The following CAND2 variants were observed in gnomAD, a reference collection of about 807,000 sequenced individuals.
CAND2 encodes cullin associated and neddylation dissociated 2 (putative).
Under a neutral mutation model 98.9 loss-of-function variants are expected in CAND2, and 62 were observed. The ratio of observed to expected loss-of-function variants is 0.63; its 90% CI spans 0.51 to 0.77. The LOEUF (loss-of-function observed/expected upper bound fraction) is 0.77, where lower values mean the gene tolerates loss of function less well. CAND2 is among the 30% of genes least tolerant of loss of function. The pLI is 0.00. For synonymous variants in CAND2, 770 were observed against 731.9 expected (o/e 1.05, Z -0.84); for missense variants, 1,501 against 1,655.2 (o/e 0.91, Z 1.62).
chr3:12,831,676 G>A, intron 14 of CAND2, 104 bp downstream of exon 14: 1 of 658,912 alleles, frequency 1.5e-6, no homozygotes, highest in South Asian at 1.9e-5. Flanking sequence ...TGCAGGTGAT[G>A]TTGTGAAAGT....
chr3:12,812,219 A>ATTTTTT (rs1575768881), intron 5 of CAND2, among the ~76,000 whole-genome samples: 2 of 45,672 alleles, frequency 4.4e-5, no homozygotes, highest in African/African-American at 2.2e-4. Flanking sequence ...TAAGCTGTTT[A>ATTTTTT]TCTTTTTTTT....
At chr3:12,810,644 C>T (rs966143063) in intron 5 of CAND2, among the ~76,000 whole-genome samples, 6 of 152,222 alleles carry the variant, frequency 3.9e-5, no homozygotes, top group Admixed American at 6.5e-5. Context: ...TTGGTTCAAT[C>T]ACTTATGAGA....
Position 12,820,098 on chromosome 3 carries a change from C to G in CAND2, c.2957C>G (p.Thr986Ser). The G allele has an allele frequency of 6.2e-7, 1 of 1,614,104 alleles. No individual in the cohort carries two copies. ...RKQLAAGRPH[T>S]RSTVITAVKF... ...TCTTGTCCTGCAGGTCGGCCACACACCCGGAGCACCGTCATCACAGCGGTC... is the reference window on the plus strand; with the variant it reads ...TCTTGTCCTGCAGGTCGGCCACACAGCCGGAGCACCGTCATCACAGCGGTC... The change falls in exon 11 of 15, where the codon ACC (threonine) becomes AGC (serine). Residue 986 changes from threonine (T) to serine (S), a missense_variant. Around this residue, in one of 3 missense-constraint regions of CAND2, gnomAD observed 1,427 missense variants for 1,545.3 expected, o/e 0.92. Coordinates refer to ENST00000456430, the MANE Select transcript of CAND2 (RefSeq NM_001162499.2).
At chr3:12,807,661 T>C (rs1409686123) in intron 3 of CAND2, among the ~76,000 whole-genome samples, 1 of 152,170 alleles carries the variant, frequency 6.6e-6, no homozygotes, top group Non-Finnish European at 1.5e-5. Flanking sequence ...TGCTTTTAGC[T>C]CAAGTGATGA....
At chr3:12,832,067 G>A (rs1202232513) in intron 14 of CAND2, among the ~76,000 whole-genome samples, 6 of 152,206 alleles carry the variant, frequency 3.9e-5, no homozygotes, top group Non-Finnish European at 8.8e-5. Flanking sequence ...AGAGCCTGGC[G>A]CACCTACGTG....
rs781423255 is a variant in CAND2 at position 12,831,551 on chromosome 3, A to G, written c.3462A>G (p.Leu1154=). 4.3e-6 allele frequency: 7 copies of G among 1,612,960 alleles called. No individual in the cohort carries two copies. Among genetic ancestry groups the G allele is most frequent in the South Asian group, 2.2e-5 (2 of 90,970 alleles). Reference sequence around the variant, plus strand: ...GGGTGGACCGACTCATTGAGCCACTAAGGGCCACCTGCACTGCCAAGGTAA... The same window carrying G: ...GGGTGGACCGACTCATTGAGCCACTGAGGGCCACCTGCACTGCCAAGGTAA... ...LQRVDRLIEP[L]RATCTAKVKA... is the part of the protein sequence containing the mutation. The change falls in exon 14 of 15, where the codon CTA becomes CTG. Residue 1154 remains leucine, a synonymous_variant. Coordinates refer to ENST00000456430, the MANE Select transcript of CAND2 (RefSeq NM_001162499.2).
intron 7 of CAND2, 55 bp downstream of exon 7, chr3:12,813,443 T>C: frequency 6.4e-7 from 1 of 1,567,368 alleles, no homozygotes. Flanking sequence ...ACAGCCTTCC[T>C]GGGATCCCCC....
intron 1 of CAND2, among the ~76,000 whole-genome samples, chr3:12,798,041 C>G (rs1393113604): frequency 2.6e-5 from 4 of 152,146 alleles, no homozygotes; most frequent in African/African-American, 9.7e-5. Context: ...GTAACTTAAC[C>G]CCCATGAGTC....
chr3:12,821,966 G>T (rs1176104531), intron 11 of CAND2, among the ~76,000 whole-genome samples: 1 of 152,020 alleles, frequency 6.6e-6, no homozygotes, highest in Non-Finnish European at 1.5e-5. Flanking sequence ...CATAAAATAA[G>T]TATTTTATGT....
intron 2 of CAND2, among the ~76,000 whole-genome samples, chr3:12,805,218 G>A (rs899757491): frequency 6.6e-6 from 1 of 152,114 alleles, no homozygotes; most frequent in African/African-American, 2.4e-5. Flanking sequence ...ATACAGACAG[G>A]GGGTGTTGGG....
In CAND2 at chr3:12,817,162, C is replaced by G. The variant is rs878990949; in HGVS notation, c.2230C>G (p.Leu744Val). 6.2e-7 allele frequency: 1 copy of G among 1,612,792 alleles called. No homozygotes were observed. Among genetic ancestry groups the G allele is most frequent in the Non-Finnish European group, 8.5e-7 (1 of 1,179,958 alleles). The change falls in exon 10 of 15, where the codon CTG becomes GTG. Residue 744 changes from leucine to valine, a missense_variant. Physicochemically the swap from Leu to Val is conservative, Grantham distance 32. This residue lies in a region of CAND2 where 1,427 missense variants were observed against 1,545.3 expected (regional missense o/e 0.92). Coordinates refer to ENST00000456430, the MANE Select transcript of CAND2 (RefSeq NM_001162499.2). ...GPVLSELLRL[L>V]RSPLLPAGVL... ...TGTGCTCTCAGAGCTGCTGCGGCTGCTGCGTTCGCCCCTGTTGCCAGCCGG... is the reference window on the plus strand; with the variant it reads ...TGTGCTCTCAGAGCTGCTGCGGCTGGTGCGTTCGCCCCTGTTGCCAGCCGG...
chr3:12,821,693 A>C (rs1467067300), intron 11 of CAND2, among the ~76,000 whole-genome samples: 2 of 152,078 alleles, frequency 1.3e-5, no homozygotes, highest in Non-Finnish European at 2.9e-5. Flanking sequence ...TTGAGCTCTC[A>C]CTGTGTATCA....
Position 12,833,454 on chromosome 3 carries a change from A to G in CAND2, c.3484-301A>G, listed in dbSNP as rs375724689. 4.6e-5 allele frequency among the ~76,000 whole-genome samples: 7 copies of G among 152,316 alleles called. No homozygotes were observed. In the East Asian group the frequency reaches 1.4e-3, roughly 29 times the overall value. On this transcript the variant is annotated intron_variant, in intron 14 of 14. Coordinates refer to ENST00000456430, the MANE Select transcript of CAND2 (RefSeq NM_001162499.2). ...CTGTAGGAGGTAAGTATGGGAACAC[A>G]GTACTTGCCACTGTCAATTAACAAA...
chr3:12,821,118 C>G (rs1476500927), intron 11 of CAND2, among the ~76,000 whole-genome samples: 1 of 152,038 alleles, frequency 6.6e-6, no homozygotes, highest in Non-Finnish European at 1.5e-5. Context: ...CCTGTAATCC[C>G]AGCTACTCTG....
At chr3:12,807,542 A>AC (rs1559549106) in intron 3 of CAND2, 82 bp downstream of exon 3, 56 of 1,394,298 alleles carry the variant, frequency 4.0e-5, no homozygotes, top group Non-Finnish European at 5.2e-5. Flanking sequence ...CAAAAAAAAA[A>AC]CACTGAGGCT....
chr3:12,808,076 G>T, intron 3 of CAND2, 134 bp from the exon 4 acceptor site: 1 of 1,182,350 alleles, frequency 8.5e-7, no homozygotes, highest in Non-Finnish European at 1.2e-6. Context: ...GTCAAACCTG[G>T]GACCTCTGGA....
At chr3:12,822,204 A>AC (rs2061961550) in intron 11 of CAND2, among the ~76,000 whole-genome samples, 1 of 151,602 alleles carries the variant, frequency 6.6e-6, no homozygotes, top group South Asian at 2.1e-4. Flanking sequence ...GCTTCTTCCC[A>AC]CTTCATTCCG....
In CAND2 at chr3:12,817,381, C is replaced by T. The variant is rs925404229; in HGVS notation, c.2449C>T (p.Gln817Ter). Reference sequence around the variant, plus strand: ...GGCAGCCCTCTCAGCTGCCTGTCCCCAAGAGGCGGCAAGCACAGCCAGTCG... The same window carrying T: ...GGCAGCCCTCTCAGCTGCCTGTCCCTAAGAGGCGGCAAGCACAGCCAGTCG... ...CVAALSAACP[Q>*]EAASTASRLV... Residue 817 changes from glutamine (Q) to a stop codon, truncating the protein, a stop_gained, in exon 10 of 15, where the codon CAA becomes TAA. Transcript: ENST00000456430. LOFTEE classifies it high-confidence loss of function. 7.4e-6 allele frequency: 12 copies of T among 1,613,700 alleles called. No homozygotes were observed. Among genetic ancestry groups the T allele is most frequent in the Non-Finnish European group, 1.0e-5 (12 of 1,180,050 alleles).
chr3:12,797,349 C>CCTCCCTCCCCGT (rs1246185341), intron 1 of CAND2, among the ~76,000 whole-genome samples: 3 of 151,862 alleles, frequency 2.0e-5, no homozygotes, highest in Non-Finnish European at 2.9e-5. Context: ...CACCCGGACC[C>CCTCCCTCCCCGT]CTCCCTCCCC....
Sources: allele counts gnomAD v4.1 joint callset (sites outside exome capture counted in the v4.1 genomes callset), GRCh38; gene constraint gnomAD v4.1.1; regional missense constraint gnomAD v4.1.1; transcripts MANE v1.5; gene names NCBI Gene and HGNC (gene_info 2026-07-23, HGNC 2026-07-21).